The following DLGAP2 variants were observed in gnomAD, a reference collection of about 807,000 sequenced individuals.
DLGAP2 encodes the protein DLG associated protein 2, also known as disks large-associated protein 2.
DLGAP2 carries 26 observed loss-of-function variants against 100.3 expected under a neutral mutation model. The ratio of observed to expected loss-of-function variants is 0.26; its 90% CI spans 0.19 to 0.36. The LOEUF (loss-of-function observed/expected upper bound fraction) is 0.36. DLGAP2 is among the 10% of genes least tolerant of loss of function. The pLI is 1.00. For missense variants in DLGAP2, 1,858 were observed against 1,453.2 expected (o/e 1.28, Z -4.53); for synonymous variants, 886 against 630.1 (o/e 1.41, Z -6.08).
At chr8:1,616,312 A>G (rs117358938) in intron 6 of DLGAP2, among the ~76,000 whole-genome samples, 6,697 of 152,280 alleles carry the variant, frequency 0.044, 177 homozygotes, top group South Asian at 0.072. Context: ...GAGAAAACTG[A>G]GAGAATTTGG....
chr8:997,871 CACAT>C (rs1404163842), intron 2 of DLGAP2, among the ~76,000 whole-genome samples: 183 of 151,422 alleles, frequency 1.2e-3, no homozygotes, highest in Middle Eastern at 6.8e-3. Context: ...CACACAAACA[CACAT>C]ACACACATGC....
intron 3 of DLGAP2, among the ~76,000 whole-genome samples, chr8:1,362,161 C>T (rs367743570): frequency 6.7e-4 from 102 of 152,284 alleles, no homozygotes; most frequent in African/African-American, 2.3e-3. Flanking sequence ...TCCGCAGCGC[C>T]GTCTCGGCAC....
rs148573561 is a variant in DLGAP2, at chr8:1,305,771, A to G, written c.106+46888A>G. On this transcript the variant is annotated intron_variant, in intron 3 of 14. Coordinates refer to ENST00000637795, the MANE Select transcript of DLGAP2 (RefSeq NM_001346810.2). ...GGGAGAGTTCCTTCAGTAAATCAGG[A>G]CATTCGAGAGCACTTGAGTAACAAC... is the stretch of plus-strand genomic sequence containing the variant. Among the ~76,000 whole-genome samples, 4 of 152,298 alleles carry G rather than the reference A, an allele frequency of 2.6e-5. No homozygotes were observed. The East Asian group carries it at 7.7e-4, about 29-fold the overall frequency.
rs144162960 is a variant in DLGAP2 at position 1,494,996 on chromosome 8, C to G, written c.107-6370C>G. Among the ~76,000 whole-genome samples the G allele has an allele frequency of 1.2e-3, 189 of 152,294 alleles. 1 individual carries two copies. Among genetic ancestry groups the G allele is most frequent in the African/African-American group, 4.1e-3 (172 of 41,566 alleles). On this transcript the variant is annotated intron_variant, in intron 3 of 14. Coordinates refer to ENST00000637795, the MANE Select transcript of DLGAP2 (RefSeq NM_001346810.2). ...TGAGGTCCCGAGATATGCCTGTTGG[C>G]AAATGTACCTTTAAATCCTCATACG...
chr8:1,368,365 G>A (rs1802158980), intron 3 of DLGAP2, among the ~76,000 whole-genome samples: 1 of 151,748 alleles, frequency 6.6e-6, no homozygotes, highest in African/African-American at 2.4e-5. Flanking sequence ...ATATGTGTAT[G>A]GGTGCATGTG....
At position 1,583,035 on chromosome 8, in the gene DLGAP2, C is replaced by G. The variant is rs76384709; in HGVS notation, c.1442+17141C>G. 3.6e-3 allele frequency among the ~76,000 whole-genome samples: 554 copies of G among 152,252 alleles called. 3 individuals are homozygous for G. Among genetic ancestry groups the G allele is most frequent in the African/African-American group, 0.013 (527 of 41,532 alleles). Reference sequence around the variant, plus strand: ...GCACTGACCCATTCAGCATCTGAACCAGAGCTGCAAAAGTGAATCTTATGA... The same window carrying G: ...GCACTGACCCATTCAGCATCTGAACGAGAGCTGCAAAAGTGAATCTTATGA... On this transcript the variant is annotated intron_variant, in intron 6 of 14. Coordinates refer to ENST00000637795, the MANE Select transcript of DLGAP2 (RefSeq NM_001346810.2).
At chr8:1,501,896 C>T (rs559509185) in intron 4 of DLGAP2, among the ~76,000 whole-genome samples, 1 of 152,312 alleles carries the variant, frequency 6.6e-6, no homozygotes, top group South Asian at 2.1e-4. Flanking sequence ...CGAGAGGCTG[C>T]CACGACACAC....
At chr8:1,407,775 G>C (rs552627783) in intron 3 of DLGAP2, among the ~76,000 whole-genome samples, 1 of 149,154 alleles carries the variant, frequency 6.7e-6, no homozygotes, top group Non-Finnish European at 1.5e-5. Flanking sequence ...AGTGCTTACT[G>C]AGCGCCACCT....
At chr8:904,972 G>A (rs1358499433) in intron 1 of DLGAP2, among the ~76,000 whole-genome samples, 8 of 152,234 alleles carry the variant, frequency 5.3e-5, no homozygotes, top group Non-Finnish European at 2.9e-5. Context: ...TGCGGCAAGC[G>A]ACGTGTGCTC....
At chr8:1,521,027 G>A (rs1321003937) in intron 4 of DLGAP2, among the ~76,000 whole-genome samples, 1 of 152,214 alleles carries the variant, frequency 6.6e-6, no homozygotes, top group African/African-American at 2.4e-5. Flanking sequence ...TACTGTTGGG[G>A]TCTGGATTCT....
chr8:1,588,369 G>T (rs371588096), intron 6 of DLGAP2, among the ~76,000 whole-genome samples: 9 of 152,266 alleles, frequency 5.9e-5, no homozygotes, highest in African/African-American at 2.2e-4. Context: ...CACACCATTA[G>T]TAGAACCCGG....
At chr8:744,143 C>G (rs532185161) in intron 1 of DLGAP2, among the ~76,000 whole-genome samples, 1 of 152,326 alleles carries the variant, frequency 6.6e-6, no homozygotes, top group East Asian at 1.9e-4. Context: ...CGCCGCTTCC[C>G]TCTTCTGTCT....
At chr8:1,557,475 G>T (rs894418195) in intron 5 of DLGAP2, among the ~76,000 whole-genome samples, 1 of 152,106 alleles carries the variant, frequency 6.6e-6, no homozygotes, top group Non-Finnish European at 1.5e-5. Context: ...GAGCAGCGGG[G>T]ACAGGTCTCG....
chr8:1,671,718 A>G (rs932089980), intron 10 of DLGAP2, among the ~76,000 whole-genome samples: 1 of 152,212 alleles, frequency 6.6e-6, no homozygotes, highest in East Asian at 1.9e-4. Flanking sequence ...TGCCCAGCTT[A>G]GAGCAGAAGC....
intron 1 of DLGAP2, among the ~76,000 whole-genome samples, chr8:905,653 C>T (rs1288156291): frequency 6.6e-6 from 1 of 152,154 alleles, no homozygotes; most frequent in Non-Finnish European, 1.5e-5. Context: ...TGAGCACCTC[C>T]AGTGCTCTGG....
intron 3 of DLGAP2, among the ~76,000 whole-genome samples, chr8:1,378,670 C>T (rs188393952): frequency 2.6e-5 from 4 of 152,354 alleles, no homozygotes; most frequent in East Asian, 3.9e-4. Flanking sequence ...ATGGGTTGGG[C>T]GGGGACAGGC....
At chr8:1,546,509 A>C (rs1353462857) in intron 4 of DLGAP2, among the ~76,000 whole-genome samples, 1 of 152,214 alleles carries the variant, frequency 6.6e-6, no homozygotes, top group African/African-American at 2.4e-5. Context: ...GCCGTCCTGG[A>C]TCCTGAAATC....
At chr8:1,350,126 C>A (rs943468006) in intron 3 of DLGAP2, among the ~76,000 whole-genome samples, 1 of 152,106 alleles carries the variant, frequency 6.6e-6, no homozygotes, top group South Asian at 2.1e-4. Context: ...GGTTATTAAA[C>A]TGCAGGAAGA....
chr8:1,573,269 G>C (rs1802818907), intron 6 of DLGAP2, among the ~76,000 whole-genome samples: 1 of 127,314 alleles, frequency 7.9e-6, no homozygotes, highest in Non-Finnish European at 1.7e-5. Context: ...AGAGGAGAGA[G>C]GGTGGACTGT....
Sources: gnomAD v4.1 joint callset for allele counts (sites outside exome capture counted in the v4.1 genomes callset) on GRCh38, gnomAD v4.1.1 for gene constraint, MANE v1.5 for transcripts, NCBI Gene and HGNC (gene_info 2026-07-23, HGNC 2026-07-21) for gene names.